Variants in COG7 observed in about 807,000 individuals in gnomAD.
The protein encoded by COG7 is conserved oligomeric Golgi complex subunit 7.
A neutral mutation model predicts 91.5 loss-of-function variants in COG7; 49 were observed. That is an observed-to-expected ratio of 0.54 (90% CI 0.43 to 0.68). COG7 has a LOEUF of 0.68. Among genes scored for constraint, COG7 ranks in the 30% least tolerant of loss-of-function variants. COG7 has a pLI of 0.00. For synonymous variants in COG7, 365 were observed against 388.7 expected (o/e 0.94, Z 0.72); for missense variants, 895 against 961.3 (o/e 0.93, Z 0.91).
intron 7 of COG7, 130 bp downstream of exon 7, chr16:23,424,619 G>A (rs1323858489): frequency 2.1e-6 from 2 of 961,110 alleles, no homozygotes; most frequent in Non-Finnish European, 3.3e-6. Flanking sequence ...CATCTGCTGA[G>A]AAGGAAAACA....
At chr16:23,431,220 C>T (rs1443385514) in intron 6 of COG7, among the ~76,000 whole-genome samples, 5 of 152,066 alleles carry the variant, frequency 3.3e-5, no homozygotes, top group Non-Finnish European at 5.9e-5. Flanking sequence ...TATGAAAATG[C>T]TAAGGGGAAA....
chr16:23,414,819 C>T (rs1327245892), intron 9 of COG7: 3 of 152,124 alleles, frequency 2.0e-5, no homozygotes, highest in Non-Finnish European at 2.9e-5. Context: ...TAGCACAGAG[C>T]TGGACATAAA....
chr16:23,426,834 A>AAAAAAAAAAG (rs1555495229), intron 6 of COG7, among the ~76,000 whole-genome samples: 21 of 146,100 alleles, frequency 1.4e-4, no homozygotes, highest in African/African-American at 5.1e-4. Flanking sequence ...AAAAAAAAAA[A>AAAAAAAAAAG]AAAGAAAGAA....
chr16:23,429,631 G>A (rs896159036), intron 6 of COG7, among the ~76,000 whole-genome samples: 25 of 152,090 alleles, frequency 1.6e-4, no homozygotes, highest in Admixed American at 1.6e-3. Flanking sequence ...GGGCATGGTG[G>A]TGTGTGCCCG....
At chr16:23,401,778 A>G (rs928173003) in intron 13 of COG7, among the ~76,000 whole-genome samples, 3 of 151,942 alleles carry the variant, frequency 2.0e-5, no homozygotes, top group Admixed American at 6.6e-5. Context: ...AATCTCGACC[A>G]GGCTTGGTGG....
In COG7 at chr16:23,398,099, G is replaced by A. The variant is rs756688485; in HGVS notation, c.1834C>T (p.Leu612Phe). 2.0e-5 allele frequency: 32 copies of A among 1,614,070 alleles called. No homozygotes were observed. In the Admixed American group the frequency reaches 3.2e-4, roughly 16 times the overall value. ...CTAAAGGCGGGCAGTTCATCTGTGA[G>A]GGTTTCTCCGATGCCAGCCGTATTC... ...SWNTAGIGET[L>F]TDELPAFSLT... The change falls in exon 14 of 17, where the codon CTC becomes TTC. Residue 612 changes from leucine (L) to phenylalanine (F), a missense_variant. Physicochemically the swap from Leu to Phe is conservative, Grantham distance 22. Transcript: ENST00000307149.
intron 11 of COG7, among the ~76,000 whole-genome samples, chr16:23,408,271 G>T (rs1963498379): frequency 8.3e-5 from 1 of 12,024 alleles, no homozygotes; most frequent in South Asian, 2.2e-3. Context: ...GGGCGAGTGG[G>T]GCGGGAGGCA....
chr16:23,451,957 A>G (rs1231257550), intron 1 of COG7, among the ~76,000 whole-genome samples: 1 of 151,894 alleles, frequency 6.6e-6, no homozygotes, highest in East Asian at 1.9e-4. Flanking sequence ...AGGCTCTTTA[A>G]CTCTTTGAAT....
intron 13 of COG7, among the ~76,000 whole-genome samples, chr16:23,399,317 G>C (rs1963337072): frequency 6.6e-6 from 1 of 151,994 alleles, no homozygotes; most frequent in African/African-American, 2.4e-5. Flanking sequence ...CTTTGTTCTT[G>C]CCTGCGAATG....
At chr16:23,389,462 C>A (rs1294651015) in intron 16 of COG7, among the ~76,000 whole-genome samples, 2 of 151,972 alleles carry the variant, frequency 1.3e-5, no homozygotes, top group Admixed American at 6.6e-5. Context: ...CTCACATCCA[C>A]ACTCACACTC....
rs765513149 is a variant in COG7 at position 23,388,966 on chromosome 16, C to T, written c.2267G>A (p.Arg756His). ...GGTGGCCACGGTGGTGGCCAGGCGA[C>T]GGGGCAGGCCTTTGCTGACCTGTCT... ...DYRQVSKGLP[R>H]RLATTVATMR... The change falls in exon 17 of 17, where the codon CGT becomes CAT. Residue 756 changes from arginine (R) to histidine (H), a missense_variant. Arg to His is a conservative substitution (Grantham distance 29, BLOSUM62 0). Transcript: ENST00000307149. 1.2e-5 allele frequency: 20 copies of T among 1,613,868 alleles called. No individual in the cohort carries two copies. Among genetic ancestry groups the T allele is most frequent in the South Asian group, 7.7e-5 (7 of 91,074 alleles).
At chr16:23,429,777 G>A (rs1273454149) in intron 6 of COG7, among the ~76,000 whole-genome samples, 1 of 151,950 alleles carries the variant, frequency 6.6e-6, no homozygotes, top group East Asian at 1.9e-4. Context: ...AAAAAAAAGT[G>A]TAAACAAACA....
intron 16 of COG7, 162 bp downstream of exon 16, chr16:23,392,218 G>A: frequency 6.6e-7 from 1 of 1,509,874 alleles, no homozygotes; most frequent in Non-Finnish European, 8.8e-7. Context: ...GAATCTCTGG[G>A]GCAGGGCCTG....
intron 5 of COG7, among the ~76,000 whole-genome samples, chr16:23,434,249 G>T (rs766967771): frequency 6.6e-6 from 1 of 152,088 alleles, no homozygotes; most frequent in African/African-American, 2.4e-5. Context: ...AATAGTCACC[G>T]CACTCCAGGC....
rs574129695 is a variant in COG7 at position 23,396,051 on chromosome 16, C to G, written c.1887+1995G>C. On this transcript the variant is annotated intron_variant, in intron 14 of 16. Transcript: ENST00000307149. ...CCACTGGGTAAGTCGCTGCTTCCTCCCAGCCCCACTCCCACTGTGAAGGAG... is the reference window on the plus strand; with the variant it reads ...CCACTGGGTAAGTCGCTGCTTCCTCGCAGCCCCACTCCCACTGTGAAGGAG... Among the ~76,000 whole-genome samples the G allele has an allele frequency of 3.3e-5, 5 of 152,366 alleles. 1 individual carries two copies. The South Asian group carries it at 1.0e-3, about 32-fold the overall frequency.
At chr16:23,444,936 A>G (rs969605461) in intron 3 of COG7, 112 bp downstream of exon 3, 1 of 842,140 alleles carries the variant, frequency 1.2e-6, no homozygotes. Context: ...CCTGAGTCTG[A>G]AGGTTTCTGA....
chr16:23,425,748 T>C (rs1249353344), intron 6 of COG7, among the ~76,000 whole-genome samples: 3 of 152,182 alleles, frequency 2.0e-5, no homozygotes, highest in Admixed American at 1.3e-4. Flanking sequence ...GTTTTCCTCA[T>C]GGCAAATGTG....
intron 2 of COG7, among the ~76,000 whole-genome samples, 155 bp downstream of exon 2, chr16:23,445,658 C>CA (rs983032551): frequency 1.1e-3 from 168 of 146,302 alleles, no homozygotes; most frequent in African/African-American, 1.3e-3. Flanking sequence ...CACTCTGTCT[C>CA]AAAAAAAAAA....
At chr16:23,392,073 C>T in intron 16 of COG7, 1 of 1,287,068 alleles carries the variant, frequency 7.8e-7, no homozygotes, top group Non-Finnish European at 9.9e-7. Flanking sequence ...GGAATTATGG[C>T]ACAAATGGAG....
Sources: gnomAD v4.1 joint callset for allele counts (sites outside exome capture counted in the v4.1 genomes callset) on GRCh38, gnomAD v4.1.1 for gene constraint, MANE v1.5 for transcripts, NCBI Gene and HGNC (gene_info 2026-07-23, HGNC 2026-07-21) for gene names.